DEFB134: variants seen among roughly 807,000 people sequenced by gnomAD.
DEFB134 encodes defensin beta 134.
In DEFB134, 7 loss-of-function variants were observed where a neutral mutation model predicts 7.4. The observed-to-expected ratio is 0.95, with a 90% CI of 0.54 to 1.79. The LOEUF (loss-of-function observed/expected upper bound fraction) is 1.79, where lower values mean the gene tolerates loss of function less well. DEFB134 is among the 40% of genes most tolerant of loss of function. The pLI is 0.00. For synonymous variants in DEFB134, 33 were observed against 25.0 expected (o/e 1.32, Z -0.96); for missense variants, 105 against 74.8 (o/e 1.40, Z -1.49).
intron 1 of DEFB134, among the ~76,000 whole-genome samples, chr8:11,995,346 T>A (rs73542311): frequency 0.09 from 13,774 of 152,242 alleles, 1,043 homozygotes; most frequent in African/African-American, 0.21. Flanking sequence ...GTGAGTCACA[T>A]AATCTGAAGA....
At chr8:11,999,818 GA>G (rs1407288538), upstream of DEFB134, among the ~76,000 whole-genome samples, 5 of 152,198 alleles carry the variant, frequency 3.3e-5, no homozygotes, top group Non-Finnish European at 5.9e-5. Flanking sequence ...CGCATCATTT[GA>G]AAACAAGTAT....
At chr8:11,999,698 C>G (rs1050404640), upstream of DEFB134, among the ~76,000 whole-genome samples, 6 of 152,174 alleles carry the variant, frequency 3.9e-5, no homozygotes, top group African/African-American at 1.4e-4. Context: ...TGTCAGAGAT[C>G]GTCTCTTGTT....
In DEFB134 at chr8:11,994,123, C is replaced by G; in HGVS notation, c.59-1G>C. 1 of 1,608,292 alleles carries G rather than the reference C, an allele frequency of 6.2e-7. No individual in the cohort carries two copies. The highest frequency in any genetic ancestry group is 8.5e-7 in the Non-Finnish European group (1 of 1,178,196). On this transcript the variant is annotated splice_acceptor_variant, in intron 1 of 1. Coordinates refer to ENST00000526438, the Ensembl canonical transcript of DEFB134. LOFTEE classifies it high-confidence loss of function. ...ATTTCTGATGATAATGAATTTATAC[C>G]TGGAAGGAAAATGAATAGAAAGATA...
At chr8:11,996,172 C>T in intron 1 of DEFB134, 22 bp downstream of exon 2, 2 of 1,613,224 alleles carry the variant, frequency 1.2e-6, no homozygotes, top group Non-Finnish European at 1.7e-6. Context: ...CACCCCTACC[C>T]CCCAAAATAT....
upstream of DEFB134, among the ~76,000 whole-genome samples, chr8:11,998,366 G>C (rs183338706): frequency 5.9e-5 from 9 of 152,064 alleles, no homozygotes; most frequent in African/African-American, 2.2e-4. Flanking sequence ...TGGGAGAATT[G>C]CTTGCGCCTA....
At chr8:11,995,609 AG>A (rs1446532948) in intron 1 of DEFB134, among the ~76,000 whole-genome samples, 3 of 152,198 alleles carry the variant, frequency 2.0e-5, no homozygotes, top group African/African-American at 7.2e-5. Flanking sequence ...TCTTGAAACT[AG>A]CCGTTCTAAA....
At chr8:11,997,499 A>G (rs116103469), upstream of DEFB134, among the ~76,000 whole-genome samples, 2,075 of 152,334 alleles carry the variant, frequency 0.014, 46 homozygotes, top group African/African-American at 0.047. Context: ...AATGACATTC[A>G]TAGCCTCAAA....
chr8:11,996,450 C>A (rs1800126492), upstream of DEFB134: 1 of 457,356 alleles, frequency 2.2e-6, no homozygotes, highest in Non-Finnish European at 3.8e-6. Context: ...AAATGGACAG[C>A]CCTTTCTTGT....
chr8:11,997,640 A>G (rs1800161041), upstream of DEFB134, among the ~76,000 whole-genome samples: 1 of 152,224 alleles, frequency 6.6e-6, no homozygotes, highest in Non-Finnish European at 1.5e-5. Flanking sequence ...TTACAAAATG[A>G]TAAAGTGTTC....
At chr8:11,995,378 A>G (rs1013435746) in intron 1 of DEFB134, among the ~76,000 whole-genome samples, 6 of 152,198 alleles carry the variant, frequency 3.9e-5, no homozygotes, top group Non-Finnish European at 7.3e-5. Context: ...TGCCTGGAGA[A>G]TACTTCAGGC....
chr8:12,000,617 CTAA>C (rs1008901655), upstream of DEFB134, among the ~76,000 whole-genome samples: 9 of 151,960 alleles, frequency 5.9e-5, no homozygotes, highest in African/African-American at 1.7e-4. Flanking sequence ...ATAACAATAA[CTAA>C]TAATAAAACA....
intron 1 of DEFB134, among the ~76,000 whole-genome samples, chr8:11,995,678 C>T (rs1324677471): frequency 6.6e-6 from 1 of 152,158 alleles, no homozygotes; most frequent in South Asian, 2.1e-4. Flanking sequence ...TAGGAAACTG[C>T]AGTATATTAG....
chr8:11,994,796 T>C (rs1282554634), intron 1 of DEFB134, among the ~76,000 whole-genome samples: 2 of 152,184 alleles, frequency 1.3e-5, no homozygotes, highest in Non-Finnish European at 2.9e-5. Flanking sequence ...GATTTGAGTA[T>C]GATATAGACC....
exon 1 of DEFB134, chr8:11,996,231 C>T: frequency 6.2e-7 from 1 of 1,613,730 alleles, no homozygotes; most frequent in Non-Finnish European, 8.5e-7. Context: ...GAAAGACAAA[C>T]ACAACAAGGA....
chr8:11,996,133 G>A (rs562148639), intron 1 of DEFB134, 61 bp downstream of exon 2: 54 of 1,592,164 alleles, frequency 3.4e-5, no homozygotes, highest in Non-Finnish European at 3.8e-5. Context: ...TTATTGGGTT[G>A]TTTAGTGGCA....
exon 2 of DEFB134, chr8:11,994,097 C>G (rs148694123): frequency 6.2e-7 from 1 of 1,612,766 alleles, no homozygotes; most frequent in Non-Finnish European, 8.5e-7. Flanking sequence ...ATTTCTTGTG[C>G]ATTTCTGATG....
At chr8:11,996,442 A>G, upstream of DEFB134, 1 of 465,406 alleles carries the variant, frequency 2.1e-6, no homozygotes, top group South Asian at 4.6e-5. Flanking sequence ...AGGAAAAAAA[A>G]TGGACAGCCC....
intron 1 of DEFB134, 62 bp downstream of exon 2, chr8:11,996,132 T>C (rs1017260900): frequency 6.3e-7 from 1 of 1,589,870 alleles, no homozygotes; most frequent in African/African-American, 1.3e-5. Flanking sequence ...TTTATTGGGT[T>C]GTTTAGTGGC....
chr8:11,997,736 C>A (rs561567702), upstream of DEFB134, among the ~76,000 whole-genome samples: 3 of 152,260 alleles, frequency 2.0e-5, no homozygotes, highest in Admixed American at 2.0e-4. Flanking sequence ...TCTTAGAGAC[C>A]TATGAAGAGA....
Sources: gnomAD v4.1 joint callset for allele counts (sites outside exome capture counted in the v4.1 genomes callset) on GRCh38, gnomAD v4.1.1 for gene constraint, MANE v1.5 for transcripts, NCBI Gene and HGNC (gene_info 2026-07-23, HGNC 2026-07-21) for gene names.